Variants in DNAH3 observed in about 807,000 individuals in gnomAD.
DNAH3 encodes the protein dynein axonemal heavy chain 3, also known as axonemal beta dynein heavy chain 3.
Under a neutral mutation model 432.5 loss-of-function variants are expected in DNAH3, and 332 were observed. That is an observed-to-expected ratio of 0.77 (90% CI 0.70 to 0.84). DNAH3 has a LOEUF of 0.84. Ranked by LOEUF, DNAH3 falls within the 40% of genes least tolerant of loss-of-function variation. The pLI, the probability that DNAH3 is intolerant of heterozygous loss-of-function variation, is 0.00. For synonymous variants in DNAH3, 1,956 were observed against 1,900.2 expected (o/e 1.03, Z -0.76); for missense variants, 4,861 against 5,114.0 (o/e 0.95, Z 1.51).
At chr16:21,130,091 G>GAAAAAAAAAAAAAA (rs58706051) in intron 7 of DNAH3, 8 of 79,144 alleles carry the variant, frequency 1.0e-4, no homozygotes, top group African/African-American at 1.8e-4. Flanking sequence ...CTAAATAAAT[G>GAAAAAAAAAAAAAA]AAAAAAAAAA....
At chr16:21,083,241 C>G (rs1478494686) in intron 19 of DNAH3, among the ~76,000 whole-genome samples, 1 of 152,070 alleles carries the variant, frequency 6.6e-6, no homozygotes, top group Non-Finnish European at 1.5e-5. Flanking sequence ...CTCTCGAACT[C>G]CTGACCTCAG....
chr16:21,031,089 T>C lies in DNAH3; in HGVS notation c.5395A>G (p.Ile1799Val), dbSNP rs201152400. 4.2e-4 allele frequency: 670 copies of C among 1,614,134 alleles called. No individual in the cohort carries two copies. Among genetic ancestry groups the C allele is most frequent in the Admixed American group, 1.2e-3 (70 of 60,020 alleles). ...ACAGTGTTCATATTTTCAATCCAAA[T>C]AGCATCCACTGGCCCATCAAATATA... is the stretch of plus-strand genomic sequence containing the variant. The change falls in exon 37 of 62, where the codon ATT becomes GTT. Residue 1799 changes from isoleucine (I) to valine (V), a missense_variant. Ile to Val is a conservative substitution (Grantham distance 29). Transcript: ENST00000261383.
chr16:21,110,792 G>A (rs1421304797), intron 14 of DNAH3, among the ~76,000 whole-genome samples: 1 of 152,112 alleles, frequency 6.6e-6, no homozygotes, highest in Non-Finnish European at 1.5e-5. Context: ...GATCACTTGA[G>A]CCTGGGAGGT....
At chr16:21,073,745 G>A (rs1266270579) in intron 21 of DNAH3, among the ~76,000 whole-genome samples, 1 of 152,014 alleles carries the variant, frequency 6.6e-6, no homozygotes, top group African/African-American at 2.4e-5. Context: ...CAAGACAGCC[G>A]GCCATAAGGA....
At chr16:21,131,406 G>T (rs569350749) in intron 7 of DNAH3, among the ~76,000 whole-genome samples, 3 of 140,928 alleles carry the variant, frequency 2.1e-5, no homozygotes, top group Non-Finnish European at 4.6e-5. Context: ...GGACAAACAG[G>T]GTCAAAGAGA....
intron 20 of DNAH3, among the ~76,000 whole-genome samples, chr16:21,078,617 C>G (rs1030600938): frequency 1.3e-5 from 2 of 152,210 alleles, no homozygotes; most frequent in African/African-American, 4.8e-5. Context: ...GGCCTCAGGT[C>G]CCCATATGCC....
chr16:20,949,901 T>C (rs1260750373), intron 56 of DNAH3, among the ~76,000 whole-genome samples: 1 of 152,202 alleles, frequency 6.6e-6, no homozygotes, highest in Non-Finnish European at 1.5e-5. Flanking sequence ...GGCAGTTCTC[T>C]AAGCAGACCA....
At chr16:20,966,865 T>C (rs1044529577) in intron 52 of DNAH3, among the ~76,000 whole-genome samples, 2 of 152,132 alleles carry the variant, frequency 1.3e-5, no homozygotes, top group South Asian at 2.1e-4. Flanking sequence ...CTTCCACCCA[T>C]ACAGAAGACT....
At chr16:21,075,595 A>G in intron 20 of DNAH3, 34 bp from the exon 21 acceptor site, 1 of 1,510,992 alleles carries the variant, frequency 6.6e-7, no homozygotes, top group Non-Finnish European at 9.2e-7. Flanking sequence ...CAACATCAAC[A>G]GGAGGCAGAG....
At chr16:21,001,140 T>C (rs762278929) in intron 42 of DNAH3, among the ~76,000 whole-genome samples, 7 of 152,202 alleles carry the variant, frequency 4.6e-5, no homozygotes, top group Non-Finnish European at 8.8e-5. Flanking sequence ...ACTAATCCCA[T>C]GCCTTTTCCA....
intron 52 of DNAH3, among the ~76,000 whole-genome samples, chr16:20,967,290 C>T (rs1324853098): frequency 6.6e-6 from 1 of 151,960 alleles, no homozygotes; most frequent in Non-Finnish European, 1.5e-5. Flanking sequence ...GCATAATTTG[C>T]TTTAATTTTA....
chr16:21,148,845 T>C (rs1445120192), intron 1 of DNAH3, among the ~76,000 whole-genome samples: 2 of 152,174 alleles, frequency 1.3e-5, no homozygotes, highest in Non-Finnish European at 2.9e-5. Context: ...AGAGTTTTCC[T>C]GGCAATAAAT....
At chr16:21,008,532 T>G (rs1401812595) in intron 41 of DNAH3, among the ~76,000 whole-genome samples, 1 of 152,152 alleles carries the variant, frequency 6.6e-6, no homozygotes, top group Non-Finnish European at 1.5e-5. Flanking sequence ...ATTCACCTCA[T>G]GTCCCCACGC....
chr16:20,976,172 C>G (rs993913808), intron 50 of DNAH3, among the ~76,000 whole-genome samples: 16 of 151,962 alleles, frequency 1.1e-4, no homozygotes, highest in African/African-American at 3.9e-4. Flanking sequence ...GAGAACAGGT[C>G]TCTACAAAAT....
intron 48 of DNAH3, among the ~76,000 whole-genome samples, chr16:20,983,212 G>T (rs1001846184): frequency 6.6e-6 from 1 of 152,078 alleles, no homozygotes; most frequent in South Asian, 2.1e-4. Flanking sequence ...TGCAACCTCC[G>T]CCTCCTGGGT....
rs568108684 is a variant in DNAH3 at position 21,024,631 on chromosome 16, G to C, written c.5611C>G (p.Leu1871Val). Reference sequence around the variant, plus strand: ...TGCTCCTTGGTGAGACTGGAGGGCAGGGTGTCCATGTAGGAATCCTTCAGG... The same window carrying C: ...TGCTCCTTGGTGAGACTGGAGGGCACGGTGTCCATGTAGGAATCCTTCAGG... The change falls in exon 39 of 62, where the codon CTG becomes GTG. Residue 1871 changes from leucine to valine, a missense_variant. Physicochemically the swap from Leu to Val is conservative, Grantham distance 32. Transcript: ENST00000261383. 3.3e-5 allele frequency: 53 copies of C among 1,613,072 alleles called. No homozygotes were observed. The African/African-American group carries it at 6.7e-4, about 20-fold the overall frequency.
intron 1 of DNAH3, among the ~76,000 whole-genome samples, chr16:21,157,423 A>C (rs2092906389): frequency 7.0e-6 from 1 of 143,164 alleles, no homozygotes; most frequent in Non-Finnish European, 1.5e-5. Context: ...TCTACTTCCC[A>C]GGTTCAAGCG....
rs569863474 is a variant in DNAH3 at position 21,041,240 on chromosome 16, G to A, written c.4638+787C>T. ...ACAAAAATTAGCTGGGCATGGTGGC[G>A]CATGGCTATAGTCCCAGCTACTCAG... On this transcript the variant is annotated intron_variant, in intron 32 of 61. Coordinates refer to ENST00000261383, the Ensembl canonical transcript of DNAH3. 2.8e-4 allele frequency among the ~76,000 whole-genome samples: 43 copies of A among 152,108 alleles called. No individual in the cohort carries two copies. In the South Asian group the frequency reaches 5.0e-3, roughly 18 times the overall value.
At chr16:21,096,863 T>C (rs1471865318) in intron 18 of DNAH3, among the ~76,000 whole-genome samples, 1 of 152,156 alleles carries the variant, frequency 6.6e-6, no homozygotes, top group Admixed American at 6.5e-5. Context: ...TCTTTAAGCA[T>C]TAAAATTCTT....
Sources: allele counts gnomAD v4.1 joint callset (sites outside exome capture counted in the v4.1 genomes callset), GRCh38; gene constraint gnomAD v4.1.1; transcripts MANE v1.5; gene names NCBI Gene and HGNC (gene_info 2026-07-23, HGNC 2026-07-21).